The following MAMDC4 variants were observed in gnomAD, a reference collection of about 807,000 sequenced individuals.
MAMDC4 encodes apical endosomal glycoprotein.
A neutral mutation model predicts 153.3 loss-of-function variants in MAMDC4; 168 were observed. The ratio of observed to expected loss-of-function variants is 1.10; its 90% CI spans 0.97 to 1.25. The LOEUF (loss-of-function observed/expected upper bound fraction) is 1.25, where lower values mean the gene tolerates loss of function less well. Ranked by LOEUF, MAMDC4 falls within the 50% of genes most tolerant of loss-of-function variation. The pLI is 0.00. For synonymous variants in MAMDC4, 744 were observed against 651.5 expected, an observed-to-expected ratio of 1.14 and a Z score of -2.16; for missense variants, 1,701 against 1,542.8, an observed-to-expected ratio of 1.10 and a Z score of -1.72.
In MAMDC4 at chr9:136,859,605, T is replaced by C. The variant is rs749439008; in HGVS notation, c.3194-281T>C. 220 of 593,952 alleles carry C rather than the reference T, an allele frequency of 3.7e-4. 1 individual carries two copies. Among genetic ancestry groups the C allele is most frequent in the Non-Finnish European group, 5.7e-4 (192 of 336,686 alleles). 36.8% of individuals were successfully genotyped at this position (593,952 alleles called of 1,614,324 possible). A position where few individuals can be genotyped will look rare whatever the true frequency, so the allele number is the denominator to read the frequency against. On this transcript the variant is annotated intron_variant, in intron 25 of 26. Coordinates refer to ENST00000317446, the MANE Select transcript of MAMDC4 (RefSeq NM_206920.3). Reference sequence around the variant, plus strand: ...CCCACACCCAGGGCAAGGTCCATCCTGGAGGAACCGCCAGCCGGGTCAGGG... The same window carrying C: ...CCCACACCCAGGGCAAGGTCCATCCCGGAGGAACCGCCAGCCGGGTCAGGG...
Position 136,854,762 on chromosome 9 carries a change from G to A in MAMDC4, c.935G>A (p.Gly312Asp), listed in dbSNP as rs1304566338. 6.2e-7 allele frequency: 1 copy of A among 1,612,622 alleles called. No individual in the cohort carries two copies. The highest frequency in any genetic ancestry group is 8.5e-7 in the Non-Finnish European group (1 of 1,179,878). The change falls in exon 9 of 27, where the codon GGC becomes GAC. Residue 312 changes from glycine (G) to aspartate (D), a missense_variant and splice_region_variant. By Grantham distance (94) the Gly-to-Asp change is moderately conservative. Transcript: ENST00000317446. ...GGCCCACTCCCGTCCTTTCCCGCAG[G>A]CTCCTTCCTGGTCTCCGTGGCCGAG... Reference protein sequence around the residue: ...RRDHSRNSAQGSFLVSVAEPG... With the variant: ...RRDHSRNSAQDSFLVSVAEPG...
Position 136,857,312 on chromosome 9 carries a change from C to A in MAMDC4, c.2106+14C>A. On this transcript the variant is annotated intron_variant, in intron 17 of 26. Coordinates refer to ENST00000317446, the MANE Select transcript of MAMDC4 (RefSeq NM_206920.3). ...GCCCAGTACCAGGTGAGGCCTGGCA[C>A]CCGGGTGGGAGGACAGGGCAGGGCC... The A allele has an allele frequency of 6.2e-7, 1 of 1,606,246 alleles. No homozygotes were observed. The highest frequency in any genetic ancestry group is 8.5e-7 in the Non-Finnish European group (1 of 1,177,488).
At chr9:136,859,180 C>T in intron 24 of MAMDC4, 29 bp from the exon 25 acceptor site, 4 of 1,600,878 alleles carry the variant, frequency 2.5e-6, no homozygotes, top group Non-Finnish European at 3.4e-6. Context: ...CACCCAGGGC[C>T]CACACAAACT....
At chr9:136,857,139 G>C (rs761925494) in intron 16 of MAMDC4, 26 bp from the exon 17 acceptor site, 1 of 1,611,926 alleles carries the variant, frequency 6.2e-7, no homozygotes, top group South Asian at 1.1e-5. Flanking sequence ...AGAGAGGTCA[G>C]TTATGGACTG....
chr9:136,852,475 G>A lies in MAMDC4; in HGVS notation c.46+13G>A. 1 of 1,609,036 alleles carries A rather than the reference G, an allele frequency of 6.2e-7. No individual in the cohort carries two copies. The highest frequency in any genetic ancestry group is 1.1e-5 in the South Asian group (1 of 91,084). On this transcript the variant is annotated intron_variant, in intron 1 of 26. Coordinates refer to ENST00000317446, the MANE Select transcript of MAMDC4 (RefSeq NM_206920.3). ...GTCCTGTTCCTGGGTAAGTAGTCTG[G>A]TCCCACTCCTGAGGCAGGACCAGGG...
At chr9:136,854,471 G>A in intron 7 of MAMDC4, 68 bp from the exon 8 acceptor site, 1 of 1,541,432 alleles carries the variant, frequency 6.5e-7, no homozygotes, top group Non-Finnish European at 8.8e-7. Flanking sequence ...GGGCCCCCCT[G>A]GAGCTGGGGC....
At chr9:136,860,202 C>G (rs996734963) in intron 26 of MAMDC4, 138 bp downstream of exon 26, 5 of 1,033,188 alleles carry the variant, frequency 4.8e-6, no homozygotes, top group East Asian at 5.2e-5. Flanking sequence ...CCTGCCCTGC[C>G]TCTCCCAGCC....
intron 1 of MAMDC4, 125 bp downstream of exon 1, chr9:136,852,587 GTAC>G (rs2131231018): frequency 3.1e-6 from 4 of 1,271,926 alleles, no homozygotes; most frequent in Non-Finnish European, 4.5e-6. Context: ...GGGTTGCAAG[GTAC>G]TACCTTGGCC....
At chr9:136,858,353 G>C (rs1475309943) in intron 21 of MAMDC4, 47 bp from the exon 22 acceptor site, 12 of 1,600,144 alleles carry the variant, frequency 7.5e-6, no homozygotes, top group Non-Finnish European at 1.0e-5. Context: ...GTGGTGCCCA[G>C]GGCTTGGGCC....
Position 136,853,222 on chromosome 9 carries a change from C to A in MAMDC4, c.154+13C>A. ...GAGGCCCAGTGTGGTGAGCCAAGAC[C>A]AGATGGGCGGGCAGGGCCAGTGCGA... On this transcript the variant is annotated intron_variant, in intron 2 of 26. Transcript: ENST00000317446. 1 of 1,612,672 alleles carries A rather than the reference C, an allele frequency of 6.2e-7. No individual in the cohort carries two copies. Among genetic ancestry groups the A allele is most frequent in the Non-Finnish European group, 8.5e-7 (1 of 1,179,856 alleles).
At chr9:136,853,953 T>TCCTCAA in intron 5 of MAMDC4, 39 bp from the exon 6 acceptor site, 1 of 1,612,740 alleles carries the variant, frequency 6.2e-7, no homozygotes, top group Non-Finnish European at 8.5e-7. Flanking sequence ...AGGAGGGGTC[T>TCCTCAA]GGGCCCTGAC....
At position 136,857,601 on chromosome 9, in the gene MAMDC4, C is replaced by T. The variant is rs773693190; in HGVS notation, c.2326+15C>T. 11 of 1,612,382 alleles carry T rather than the reference C, an allele frequency of 6.8e-6. No individual in the cohort carries two copies. Among genetic ancestry groups the T allele is most frequent in the Non-Finnish European group, 5.1e-6 (6 of 1,179,834 alleles). Reference sequence around the variant, plus strand: ...GACAGCCCAAGGTATGGGGGCCTGGCAGGGGCAGGGATTGAGGGGCTGGCC... The same window carrying T: ...GACAGCCCAAGGTATGGGGGCCTGGTAGGGGCAGGGATTGAGGGGCTGGCC... On this transcript the variant is annotated intron_variant, in intron 18 of 26. Coordinates refer to ENST00000317446, the MANE Select transcript of MAMDC4 (RefSeq NM_206920.3).
At chr9:136,859,408 G>A (rs1849054326) in intron 25 of MAMDC4, 91 bp downstream of exon 25, 1 of 1,155,726 alleles carries the variant, frequency 8.7e-7, no homozygotes. Flanking sequence ...TGTGGTCCCA[G>A]GAGCTGCGAG....
chr9:136,859,841 T>A, intron 25 of MAMDC4, 45 bp from the exon 26 acceptor site: 1 of 1,600,268 alleles, frequency 6.2e-7, no homozygotes, highest in Non-Finnish European at 8.5e-7. Flanking sequence ...TAGCCCCAGA[T>A]GTGGGGGCTG....
In MAMDC4 at chr9:136,859,135, G is replaced by A. The variant is rs1366930105; in HGVS notation, c.3084+3G>A. The A allele has an allele frequency of 2.5e-6, 4 of 1,571,176 alleles. No individual in the cohort carries two copies. The highest frequency in any genetic ancestry group is 3.5e-6 in the Non-Finnish European group (4 of 1,157,668). On this transcript the variant is annotated splice_donor_region_variant and intron_variant, in intron 24 of 26. Coordinates refer to ENST00000317446, the MANE Select transcript of MAMDC4 (RefSeq NM_206920.3). Reference sequence around the variant, plus strand: ...TAGCCAGTGCCAAGGAGTTCCAGGTGAGGCTGGCTGTGGGCAAGGAGCCTC... The same window carrying A: ...TAGCCAGTGCCAAGGAGTTCCAGGTAAGGCTGGCTGTGGGCAAGGAGCCTC...
At chr9:136,856,260 T>G in intron 14 of MAMDC4, 111 bp downstream of exon 14, 2 of 1,541,832 alleles carry the variant, frequency 1.3e-6, no homozygotes, top group African/African-American at 1.4e-5. Flanking sequence ...TGGCCAGGCT[T>G]CCTGGCACTA....
At position 136,856,951 on chromosome 9, in the gene MAMDC4, C is replaced by T; in HGVS notation, c.1882C>T (p.His628Tyr). Residue 628 changes from histidine to tyrosine, a missense_variant, in exon 16 of 27, where the codon CAC becomes TAC. Physicochemically the swap from His to Tyr is moderately conservative, Grantham distance 83 (BLOSUM62 2). Coordinates refer to ENST00000317446, the MANE Select transcript of MAMDC4 (RefSeq NM_206920.3). Reference protein sequence around the residue: ...LDPTDPLAWGHSAHLLSRPQV... With the variant: ...LDPTDPLAWGYSAHLLSRPQV... The stretch of plus-strand genomic sequence containing the variant: ...CCCCACAGACCCCCTGGCCTGGGGC[C>T]ACAGTGCCCACCTGCTCTCCAGGCC... The T allele has an allele frequency of 6.2e-7, 1 of 1,611,748 alleles. No individual in the cohort carries two copies. The highest frequency in any genetic ancestry group is 8.5e-7 in the Non-Finnish European group (1 of 1,179,198).
In MAMDC4 at chr9:136,856,048, G is replaced by A; in HGVS notation, c.1619G>A (p.Gly540Glu). Residue 540 changes from glycine to glutamate, a missense_variant, in exon 14 of 27, where the codon GGG (glycine) becomes GAG (glutamate). Coordinates refer to ENST00000317446, the MANE Select transcript of MAMDC4 (RefSeq NM_206920.3). ...TTCCTGTCTCTGCAGCGGGCCTGGG[G>A]GCAGCTAGGCGCTGAGGCCCGGGTC... ...GHFLSLQRAW[G>E]QLGAEARVLT... is the part of the protein sequence containing the mutation. 2.5e-6 allele frequency: 4 copies of A among 1,612,272 alleles called. No individual in the cohort carries two copies. The highest frequency in any genetic ancestry group is 3.4e-6 in the Non-Finnish European group (4 of 1,179,800).
intron 25 of MAMDC4, 25 bp downstream of exon 25, chr9:136,859,342 C>T (rs1486840732): frequency 6.3e-7 from 1 of 1,588,038 alleles, no homozygotes; most frequent in Non-Finnish European, 8.6e-7. Flanking sequence ...GCAGTGGAGG[C>T]ACGGAGGAGG....
Sources: allele counts gnomAD v4.1 joint callset, GRCh38; gene constraint gnomAD v4.1.1; transcripts MANE v1.5; gene names NCBI Gene and HGNC (gene_info 2026-07-23, HGNC 2026-07-21).